Variants in NCBP1 observed in about 807,000 individuals in gnomAD.
NCBP1 encodes nuclear cap binding protein subunit 1, also known as nuclear cap-binding protein subunit 1.
In NCBP1, 16 loss-of-function variants were observed where a neutral mutation model predicts 111.7. The observed-to-expected ratio is 0.14, with a 90% CI of 0.10 to 0.22. NCBP1 has a LOEUF of 0.22. NCBP1 is among the 10% of genes least tolerant of loss of function. NCBP1 has a pLI of 1.00. For synonymous variants in NCBP1, 304 were observed against 314.3 expected, an observed-to-expected ratio of 0.97 and a Z score of 0.35; for missense variants, 607 against 957.5, an observed-to-expected ratio of 0.63 and a Z score of 4.83.
At chr9:97,637,163 G>A (rs897815605) in intron 1 of NCBP1, among the ~76,000 whole-genome samples, 2 of 152,124 alleles carry the variant, frequency 1.3e-5, no homozygotes, top group Non-Finnish European at 2.9e-5. Context: ...TTATACTTCT[G>A]TGTTGAGACT....
At chr9:97,660,347 T>A (rs763915904) in intron 15 of NCBP1, among the ~76,000 whole-genome samples, 11 of 152,206 alleles carry the variant, frequency 7.2e-5, no homozygotes, top group Non-Finnish European at 1.6e-4. Flanking sequence ...TAGCACAAAT[T>A]TTTATAATAA....
Position 97,648,065 on chromosome 9 carries a change from C to A in NCBP1, c.739C>A (p.Arg247=). Residue 247 remains arginine (R), a synonymous_variant, in exon 8 of 23, where the codon CGG becomes AGG. Transcript: ENST00000375147. ...ATTGAAAAAGGATCGCTGGCAGGAA[C>A]GGCACATCCTAAGACCTTATCTTGC... ...QKLKKDRWQE[R]HILRPYLAFD... is the part of the protein sequence containing the mutation. 1 of 1,614,054 alleles carries A rather than the reference C, an allele frequency of 6.2e-7. No individual in the cohort carries two copies. Among genetic ancestry groups the A allele is most frequent in the South Asian group, 1.1e-5 (1 of 91,080 alleles).
chr9:97,653,202 C>A (rs376456784), intron 10 of NCBP1, among the ~76,000 whole-genome samples: 22 of 149,360 alleles, frequency 1.5e-4, no homozygotes, highest in African/African-American at 5.5e-4. Flanking sequence ...CTCAGTGCAA[C>A]CTCCGCCTCC....
At chr9:97,640,393 G>A (rs915108821) in intron 1 of NCBP1, among the ~76,000 whole-genome samples, 1 of 152,062 alleles carries the variant, frequency 6.6e-6, no homozygotes, top group Non-Finnish European at 1.5e-5. Context: ...GTACTAACAG[G>A]TTTCGGAACA....
rs1827603967 is a variant in NCBP1 at position 97,654,870 on chromosome 9, A to C, written c.1171-10A>C. On this transcript the variant is annotated splice_polypyrimidine_tract_variant and intron_variant, in intron 11 of 22. Transcript: ENST00000375147. ...AGTGGAGAATAGTTTTCCTTATCCT[A>C]AATTCACAGCTTGCACAGGCAACTG... 6.2e-7 allele frequency: 1 copy of C among 1,613,370 alleles called. No individual in the cohort carries two copies. The highest frequency in any genetic ancestry group is 1.7e-5 in the Admixed American group (1 of 59,904).
At chr9:97,638,054 A>G (rs564265801) in intron 1 of NCBP1, among the ~76,000 whole-genome samples, 1 of 152,332 alleles carries the variant, frequency 6.6e-6, no homozygotes, top group African/African-American at 2.4e-5. Context: ...TACCATAGAT[A>G]CGTTTTCTTC....
Position 97,669,030 on chromosome 9 carries a change from T to C in NCBP1, c.2145+56T>C, listed in dbSNP as rs117041091. On this transcript the variant is annotated intron_variant, in intron 21 of 22. Coordinates refer to ENST00000375147, the MANE Select transcript of NCBP1 (RefSeq NM_002486.5). The stretch of plus-strand genomic sequence containing the variant: ...AGGAAACAATACATTTCTTTAGTTT[T>C]AGTTTTTAAAAATGTTATTTTTCAT... 11,010 of 1,499,540 alleles carry C rather than the reference T, an allele frequency of 7.3e-3. 634 individuals carry two copies. The East Asian group carries it at 0.1, about 14-fold the overall frequency. 92.9% of individuals were successfully genotyped at this position (1,499,540 alleles called of 1,614,324 possible). A position where few individuals can be genotyped will look rare whatever the true frequency, so the allele number is the denominator to read the frequency against.
rs959354024 is a variant in NCBP1, at chr9:97,633,870, C to A, written c.-12C>A. 1.9e-6 allele frequency: 3 copies of A among 1,585,182 alleles called. No individual in the cohort carries two copies. Among genetic ancestry groups the A allele is most frequent in the Admixed American group, 1.8e-5 (1 of 56,522 alleles). On this transcript the variant is annotated 5_prime_UTR_variant, in exon 1 of 23. Transcript: ENST00000375147. ...CCTGGCCTCTCGGTTCCGCGGCGCA[C>A]CGGAGGGCAGCATGTCGCGGCGGCG...
At position 97,647,400 on chromosome 9, in the gene NCBP1, A is replaced by G. The variant is rs1827373046; in HGVS notation, c.612-92A>G. On this transcript the variant is annotated intron_variant, in intron 6 of 22. Transcript: ENST00000375147. The stretch of plus-strand genomic sequence containing the variant: ...ACTCCAGTAGGTAAAATGTTATTTC[A>G]TTGCTTTAATTTGCATTTTAATAAC... The G allele has an allele frequency of 1.0e-5, 10 of 973,116 alleles. No individual in the cohort carries two copies. In the South Asian group the frequency reaches 1.3e-4, roughly 12 times the overall value. The allele number at this position is 973,116 out of a possible 1,614,324, so 60.3% of individuals were successfully genotyped here.
chr9:97,645,235 C>G lies in NCBP1; in HGVS notation c.489+11C>G. ...GAAGATGTACCTCAGGTAAGAGAAC[C>G]CCTCATGCTGAATCTTGAGGGGTTC... On this transcript the variant is annotated intron_variant, in intron 5 of 22. Transcript: ENST00000375147. 1 of 1,584,498 alleles carries G rather than the reference C, an allele frequency of 6.3e-7. No homozygotes were observed. Among genetic ancestry groups the G allele is most frequent in the Non-Finnish European group, 8.7e-7 (1 of 1,153,528 alleles).
chr9:97,652,976 C>G (rs751878724), intron 10 of NCBP1, among the ~76,000 whole-genome samples: 5 of 152,082 alleles, frequency 3.3e-5, no homozygotes, highest in Non-Finnish European at 5.9e-5. Context: ...ACCAATTATA[C>G]AGAGAGAGTA....
At position 97,671,338 on chromosome 9, in the gene NCBP1, G is replaced by T. The variant is rs748692637; in HGVS notation, c.*139G>T. 5 of 616,074 alleles carry T rather than the reference G, an allele frequency of 8.1e-6. No homozygotes were observed. The highest frequency in any genetic ancestry group is 1.4e-5 in the Non-Finnish European group (5 of 360,576). The allele number at this position is 616,074 out of a possible 1,614,324, so 38.2% of individuals were successfully genotyped here. A position where few individuals can be genotyped will look rare whatever the true frequency, so the allele number is the denominator to read the frequency against. ...AACAAAGGGGAAGAGGACAGTGAATGAACATGGCATTACTTTTAATTGCCC... is the reference window on the plus strand; with the variant it reads ...AACAAAGGGGAAGAGGACAGTGAATTAACATGGCATTACTTTTAATTGCCC... On this transcript the variant is annotated 3_prime_UTR_variant, in exon 23 of 23. Coordinates refer to ENST00000375147, the MANE Select transcript of NCBP1 (RefSeq NM_002486.5).
In NCBP1 at chr9:97,649,212, G is replaced by A. The variant is rs567263205; in HGVS notation, c.897+989G>A. On this transcript the variant is annotated intron_variant, in intron 8 of 22. Transcript: ENST00000375147. ...TACATGTTCTTTATTTCAAAGTCAA[G>A]TTTCCTGGCAGCCATTGTACTGTTA... Among the ~76,000 whole-genome samples, 168 of 152,174 alleles carry A rather than the reference G, an allele frequency of 1.1e-3. 3 individuals carry two copies. The highest frequency in any genetic ancestry group is 3.9e-3 in the African/African-American group (163 of 41,516).
At chr9:97,636,940 G>A (rs1278571875) in intron 1 of NCBP1, among the ~76,000 whole-genome samples, 2 of 152,006 alleles carry the variant, frequency 1.3e-5, no homozygotes, top group African/African-American at 4.8e-5. Context: ...AAGACTTGCC[G>A]GAGGTAAGGT....
chr9:97,668,490 T>C (rs1828077893), intron 20 of NCBP1, among the ~76,000 whole-genome samples: 1 of 152,196 alleles, frequency 6.6e-6, no homozygotes, highest in Admixed American at 6.5e-5. Flanking sequence ...CCAGTTTTTC[T>C]GTATGGCCCA....
intron 1 of NCBP1, among the ~76,000 whole-genome samples, chr9:97,639,121 T>C (rs1827131457): frequency 6.6e-6 from 1 of 152,144 alleles, no homozygotes; most frequent in African/African-American, 2.4e-5. Context: ...CAGGCAGATA[T>C]CTCCAGGAAT....
chr9:97,640,037 G>A (rs966955874), intron 1 of NCBP1, among the ~76,000 whole-genome samples: 5 of 152,094 alleles, frequency 3.3e-5, no homozygotes, highest in African/African-American at 4.8e-5. Context: ...GTAAAACGTG[G>A]TCCTTTTTTC....
chr9:97,664,973 C>T (rs2131365053), intron 19 of NCBP1, among the ~76,000 whole-genome samples: 1 of 152,272 alleles, frequency 6.6e-6, no homozygotes, highest in African/African-American at 2.4e-5. Flanking sequence ...TGCCCTCATT[C>T]CCCCTAACGG....
At chr9:97,653,943 T>A (rs781382700) in intron 11 of NCBP1, 35 bp downstream of exon 11, 1 of 1,516,206 alleles carries the variant, frequency 6.6e-7, no homozygotes, top group African/African-American at 1.4e-5. Flanking sequence ...TTAATCTCTT[T>A]GGCCTGGTCT....
Sources: gnomAD v4.1 joint callset for allele counts (sites outside exome capture counted in the v4.1 genomes callset) on GRCh38, gnomAD v4.1.1 for gene constraint, MANE v1.5 for transcripts, NCBI Gene and HGNC (gene_info 2026-07-23, HGNC 2026-07-21) for gene names.